SPEG: variants seen among roughly 807,000 people sequenced by gnomAD.
SPEG encodes the protein striated muscle enriched protein kinase.
Under a neutral mutation model 300.4 loss-of-function variants are expected in SPEG, and 114 were observed. The observed-to-expected ratio is 0.38, with a 90% CI of 0.33 to 0.44. The LOEUF is 0.44. SPEG is among the 20% of genes least tolerant of loss of function. The pLI is 1.00. For synonymous variants in SPEG, 1,964 were observed against 2,018.9 expected (o/e 0.97, Z 0.73); for missense variants, 4,201 against 4,586.2 (o/e 0.92, Z 2.43).
intron 1 of SPEG, chr2:219,442,061 T>G: frequency 2.5e-6 from 3 of 1,176,732 alleles, no homozygotes; most frequent in African/African-American, 1.6e-5. Flanking sequence ...ATGAAGAAGC[T>G]GTGGGTGAAG....
Position 219,483,281 on chromosome 2 carries a change from C to A in SPEG, c.5818C>A (p.Gln1940Lys). 6.2e-7 allele frequency: 1 copy of A among 1,607,252 alleles called. No homozygotes were observed. Reference protein sequence around the residue: ...EELPSVPRPLQPEFSGSRVSL... With the variant: ...EELPSVPRPLKPEFSGSRVSL... ...GCTGCCCTCAGTGCCCCGCCCACTG[C>A]AGCCCGAGTTCTCTGGCTCCCGGGT... Residue 1940 changes from glutamine (Q) to lysine (K), a missense_variant, in exon 30 of 41, where the codon CAG becomes AAG. Around this residue, in one of 4 missense-constraint regions of SPEG, gnomAD observed 1,578 missense variants for 1,506.0 expected, o/e 1.05. Coordinates refer to ENST00000312358, the MANE Select transcript of SPEG (RefSeq NM_005876.5).
At position 219,477,355 on chromosome 2, in the gene SPEG, A is replaced by T; in HGVS notation, c.4639A>T (p.Thr1547Ser). 6.2e-7 allele frequency: 1 copy of T among 1,613,518 alleles called. No homozygotes were observed. Among genetic ancestry groups the T allele is most frequent in the Non-Finnish European group, 8.5e-7 (1 of 1,179,812 alleles). The change falls in exon 20 of 41, where the codon ACG (threonine) becomes TCG (serine). Residue 1547 changes from threonine to serine, a missense_variant. Thr to Ser is a moderately conservative substitution (Grantham distance 58, BLOSUM62 1). Transcript: ENST00000312358. The surrounding 1 kb of genome is among the most constrained non-coding windows in gnomAD (Gnocchi z 6.4). ...TGAGTGCTCCCTGGTGGTGCTCAGC[A>T]CGGGGGCCCAGGATGGAGGCGTCTA... ...ENECSLVVLS[T>S]GAQDGGVYTC... is the part of the protein sequence containing the mutation.
chr2:219,472,821 C>G (rs1487935549), intron 15 of SPEG, 69 bp from the exon 16 acceptor site: 1 of 1,376,260 alleles, frequency 7.3e-7, no homozygotes, highest in Non-Finnish European at 1.0e-6. Context: ...TCCAGGGTCC[C>G]GGGCCAGCTG....
Position 219,458,329 on chromosome 2 carries a change from TC to T in SPEG, c.2441-3551del, listed in dbSNP as rs1436390934. Among the ~76,000 whole-genome samples, 1 of 151,808 alleles carries T rather than the reference TC, an allele frequency of 6.6e-6. No individual in the cohort carries two copies. The highest frequency in any genetic ancestry group is 1.5e-5 in the Non-Finnish European group (1 of 68,020). On this transcript the variant is annotated intron_variant, in intron 6 of 40. Transcript: ENST00000312358. This position sits in a 1 kb window ranked among gnomAD's most constrained non-coding sequence, Gnocchi z 4.2. ...TGGCAAAGAGACCATGGAGCGGTGG[TC>T]CTCAGAGTGAGGCCCCCAGACCAGC...
chr2:219,451,769 G>T lies in SPEG; in HGVS notation c.2402G>T (p.Gly801Val), dbSNP rs1440397589. The change falls in exon 6 of 41, where the codon GGC becomes GTC. Residue 801 changes from glycine to valine, a missense_variant. Transcript: ENST00000312358. The surrounding 1 kb of genome is among the most constrained non-coding windows in gnomAD (Gnocchi z 6.4). ...ATGGCCACCGCCACCAACGAGCTGG[G>T]CCAGGCCACCTGTGCCGCCTCACTG... is the stretch of plus-strand genomic sequence containing the variant. ...SYMATATNELGQATCAASLTV... is the reference protein window; with the variant it reads ...SYMATATNELVQATCAASLTV... 6.4e-7 allele frequency: 1 copy of T among 1,554,700 alleles called. No individual in the cohort carries two copies. The highest frequency in any genetic ancestry group is 8.7e-7 in the Non-Finnish European group (1 of 1,149,538).
rs1954679121 is a variant in SPEG at position 219,435,108 on chromosome 2, T to C, written c.131T>C (p.Val44Ala). ...CCTGTGGCCGTGGCCGGGGCGCCAG[T>C]CTTCCTGCGGCCCCTGAAGAACGCG... is the stretch of plus-strand genomic sequence containing the variant. ...GAPVAVAGAP[V>A]FLRPLKNAAV... The change falls in exon 1 of 41, where the codon GTC becomes GCC. Residue 44 changes from valine (V) to alanine (A), a missense_variant. Coordinates refer to ENST00000312358, the MANE Select transcript of SPEG (RefSeq NM_005876.5). 2.1e-6 allele frequency: 3 copies of C among 1,455,956 alleles called. No homozygotes were observed. The highest frequency in any genetic ancestry group is 3.0e-5 in the African/African-American group (2 of 66,956). 90.2% of individuals were successfully genotyped at this position (1,455,956 alleles called of 1,614,324 possible).
Position 219,448,499 on chromosome 2 carries a change from G to T in SPEG, c.1341G>T (p.Trp447Cys), listed in dbSNP as rs1398685997. ...EQPKSERGAP[W>C]GTPGASQEEL... ...CCAAGTCGGAGCGCGGCGCACCGTG[G>T]GGCACCCCCGGGGCCTCGCAGGAAG... The change falls in exon 4 of 41, where the codon TGG (tryptophan) becomes TGT (cysteine). Residue 447 changes from tryptophan (W) to cysteine (C), a missense_variant. By Grantham distance (215) the Trp-to-Cys change is radical. Coordinates refer to ENST00000312358, the MANE Select transcript of SPEG (RefSeq NM_005876.5). 26 of 1,456,876 alleles carry T rather than the reference G, an allele frequency of 1.8e-5. No homozygotes were observed. The highest frequency in any genetic ancestry group is 2.2e-5 in the Non-Finnish European group (25 of 1,113,798). The allele number at this position is 1,456,876 out of a possible 1,614,324, so 90.2% of individuals were successfully genotyped here. A position where few individuals can be genotyped will look rare whatever the true frequency, so the allele number is the denominator to read the frequency against.
At position 219,459,907 on chromosome 2, in the gene SPEG, A is replaced by G. The variant is rs1690505933; in HGVS notation, c.2441-1975A>G. Among the ~76,000 whole-genome samples the G allele has an allele frequency of 6.6e-6, 1 of 152,184 alleles. No homozygotes were observed. The highest frequency in any genetic ancestry group is 2.1e-4 in the South Asian group (1 of 4,832). Reference sequence around the variant, plus strand: ...CTGGCCATGCTGGGAAACACAGGTCATGGCTTGGGAATGTGGCCCCGGGTT... The same window carrying G: ...CTGGCCATGCTGGGAAACACAGGTCGTGGCTTGGGAATGTGGCCCCGGGTT... On this transcript the variant is annotated intron_variant, in intron 6 of 40. Transcript: ENST00000312358. This position sits in a 1 kb window ranked among gnomAD's most constrained non-coding sequence, Gnocchi z 4.9.
In SPEG at chr2:219,445,948, G is replaced by C. The variant is rs142813796; in HGVS notation, c.815+787G>C. ...CTGGAGCCATTTTTGGAGATTTGGG[G>C]CTCGCAGATACAGGAGGGAGTGCTA... On this transcript the variant is annotated intron_variant, in intron 3 of 40. Coordinates refer to ENST00000312358, the MANE Select transcript of SPEG (RefSeq NM_005876.5). The surrounding 1 kb of genome is among the most constrained non-coding windows in gnomAD (Gnocchi z 6.1). Among the ~76,000 whole-genome samples the C allele has an allele frequency of 7.9e-5, 12 of 152,158 alleles. No individual in the cohort carries two copies. The highest frequency in any genetic ancestry group is 2.9e-4 in the African/African-American group (12 of 41,506).
At chr2:219,441,364 G>T (rs75060943) in intron 1 of SPEG, among the ~76,000 whole-genome samples, 2,013 of 152,244 alleles carry the variant, frequency 0.013, 35 homozygotes, top group African/African-American at 0.045. Flanking sequence ...GCAAGATAAA[G>T]CCCTCTCTGG....
At chr2:219,476,720 G>A in intron 18 of SPEG, 150 bp from the exon 19 acceptor site, 1 of 599,990 alleles carries the variant, frequency 1.7e-6, no homozygotes, top group Non-Finnish European at 2.9e-6. Context: ...CCAGTTGGTG[G>A]GGGTGGGGGG....
rs763796363 is a variant in SPEG, at chr2:219,481,687, C to G, written c.5565+7C>G. The G allele has an allele frequency of 5.0e-6, 8 of 1,613,698 alleles. No homozygotes were observed. In the African/African-American group the frequency reaches 1.1e-4, roughly 22 times the overall value. On this transcript the variant is annotated splice_region_variant and intron_variant, in intron 28 of 40. Coordinates refer to ENST00000312358, the MANE Select transcript of SPEG (RefSeq NM_005876.5). This position sits in a 1 kb window ranked among gnomAD's most constrained non-coding sequence, Gnocchi z 5.4. ...AGAACATCCTTGGTTCAAAGTGAGTCTAGTCTGCAAAGTGGTGGCACAAAA... is the reference window on the plus strand; with the variant it reads ...AGAACATCCTTGGTTCAAAGTGAGTGTAGTCTGCAAAGTGGTGGCACAAAA...
At chr2:219,488,739 G>T (rs374551813) in intron 33 of SPEG, 39 bp from the exon 34 acceptor site, 1 of 1,612,338 alleles carries the variant, frequency 6.2e-7, no homozygotes, top group Admixed American at 1.7e-5. Flanking sequence ...TCTTAGCTAG[G>T]GTATAGGGGC....
Position 219,481,382 on chromosome 2 carries a change from C to G in SPEG, c.5448C>G (p.Phe1816Leu), listed in dbSNP as rs200268589. Reference sequence around the variant, plus strand: ...ACATCCGAAACTACAACGTGGCCTTCGAGGAGACCACATTCCTGAGCCTGA... The same window carrying G: ...ACATCCGAAACTACAACGTGGCCTTGGAGGAGACCACATTCCTGAGCCTGA... ...LMNIRNYNVA[F>L]EETTFLSLSR... is the part of the protein sequence containing the mutation. The change falls in exon 27 of 41, where the codon TTC becomes TTG. Residue 1816 changes from phenylalanine (F) to leucine (L), a missense_variant. Around this residue, in one of 4 missense-constraint regions of SPEG, gnomAD observed 1,047 missense variants for 1,356.8 expected, o/e 0.77. Coordinates refer to ENST00000312358, the MANE Select transcript of SPEG (RefSeq NM_005876.5). The surrounding 1 kb of genome is among the most constrained non-coding windows in gnomAD (Gnocchi z 5.4). 6 of 1,614,176 alleles carry G rather than the reference C, an allele frequency of 3.7e-6. No individual in the cohort carries two copies. The highest frequency in any genetic ancestry group is 1.3e-5 in the African/African-American group (1 of 75,022).
Position 219,470,998 on chromosome 2 carries a change from T to G in SPEG, c.3716-870T>G, listed in dbSNP as rs556830636. ...GGTGGGACAAGCAGATCTGACAACGTCAGCCCTCTCTTTAAGGAGCTTGCA... is the reference window on the plus strand; with the variant it reads ...GGTGGGACAAGCAGATCTGACAACGGCAGCCCTCTCTTTAAGGAGCTTGCA... On this transcript the variant is annotated intron_variant, in intron 13 of 40. Coordinates refer to ENST00000312358, the MANE Select transcript of SPEG (RefSeq NM_005876.5). 1.1e-4 allele frequency among the ~76,000 whole-genome samples: 17 copies of G among 152,198 alleles called. No individual in the cohort carries two copies. The South Asian group carries it at 3.5e-3, about 32-fold the overall frequency.
At position 219,443,024 on chromosome 2, in the gene SPEG, G is replaced by A. The variant is rs1689039626; in HGVS notation, c.389-1629G>A. On this transcript the variant is annotated intron_variant, in intron 1 of 40. Transcript: ENST00000312358. This position sits in a 1 kb window ranked among gnomAD's most constrained non-coding sequence, Gnocchi z 4.6. ...CTGGCCAGGGAATGAGTTTCTGCTT[G>A]ATGTTGCAGGTCTGGATGGGAGGCA... 1 of 1,105,722 alleles carries A rather than the reference G, an allele frequency of 9.0e-7. No homozygotes were observed. The highest frequency in any genetic ancestry group is 2.4e-5 in the East Asian group (1 of 42,050). 68.5% of individuals were successfully genotyped at this position (1,105,722 alleles called of 1,614,324 possible).
rs202010201 is a variant in SPEG at position 219,477,321 on chromosome 2, C to T, written c.4605C>T (p.Tyr1535=). 93 of 1,613,398 alleles carry T rather than the reference C, an allele frequency of 5.8e-5. No individual in the cohort carries two copies. In the African/African-American group the frequency reaches 8.3e-4, roughly 14 times the overall value. The change falls in exon 20 of 41, where the codon TAC becomes TAT. Residue 1535 remains tyrosine (Y), a synonymous_variant. Coordinates refer to ENST00000312358, the MANE Select transcript of SPEG (RefSeq NM_005876.5). This position sits in a 1 kb window ranked among gnomAD's most constrained non-coding sequence, Gnocchi z 6.4. ...LTESSHVSFV[Y]EENECSLVVL... is the part of the protein sequence containing the mutation. ...AGAGCAGCCATGTGAGCTTCGTGTACGAGGAGAATGAGTGCTCCCTGGTGG... is the reference window on the plus strand; with the variant it reads ...AGAGCAGCCATGTGAGCTTCGTGTATGAGGAGAATGAGTGCTCCCTGGTGG...
intron 10 of SPEG, among the ~76,000 whole-genome samples, chr2:219,468,342 G>A: frequency 6.6e-6 from 1 of 152,078 alleles, no homozygotes; most frequent in Non-Finnish European, 1.5e-5. Flanking sequence ...CTCAGGCCCT[G>A]GGCTCCTATG....
chr2:219,473,424 A>T lies in SPEG; in HGVS notation c.4148-80A>T. Reference sequence around the variant, plus strand: ...CTGTAAAAACGGAACTCAAGTGTTGATGAGGGGTGTTAGAGGAGTGGTGGG... The same window carrying T: ...CTGTAAAAACGGAACTCAAGTGTTGTTGAGGGGTGTTAGAGGAGTGGTGGG... On this transcript the variant is annotated intron_variant, in intron 16 of 40. Coordinates refer to ENST00000312358, the MANE Select transcript of SPEG (RefSeq NM_005876.5). This position sits in a 1 kb window ranked among gnomAD's most constrained non-coding sequence, Gnocchi z 4.6. 2 of 1,369,378 alleles carry T rather than the reference A, an allele frequency of 1.5e-6. No homozygotes were observed. Among genetic ancestry groups the T allele is most frequent in the Non-Finnish European group, 1.0e-6 (1 of 970,396 alleles). The allele number at this position is 1,369,378 out of a possible 1,614,324, so 84.8% of individuals were successfully genotyped here. A position where few individuals can be genotyped will look rare whatever the true frequency, so the allele number is the denominator to read the frequency against.
Sources: gnomAD v4.1 joint callset for allele counts (sites outside exome capture counted in the v4.1 genomes callset) on GRCh38, gnomAD v4.1.1 for gene constraint, gnomAD v4.1.1 regional missense constraint, Gnocchi (gnomAD v3.1) non-coding constraint, MANE v1.5 for transcripts, NCBI Gene and HGNC (gene_info 2026-07-23, HGNC 2026-07-21) for gene names.